The following SPAG16 variants were observed in gnomAD, a reference collection of about 807,000 sequenced individuals.
SPAG16 encodes sperm associated antigen 16.
Under a neutral mutation model 80.4 loss-of-function variants are expected in SPAG16, and 86 were observed. The observed-to-expected ratio is 1.07, with a 90% CI of 0.90 to 1.28. The LOEUF (loss-of-function observed/expected upper bound fraction) is 1.28, where lower values mean the gene tolerates loss of function less well. Ranked by LOEUF, SPAG16 falls within the 50% of genes most tolerant of loss-of-function variation. The pLI is 0.00. For missense variants in SPAG16, 870 were observed against 765.3 expected (o/e 1.14, Z -1.61); for synonymous variants, 294 against 265.9 (o/e 1.11, Z -1.03).
intron 10 of SPAG16, among the ~76,000 whole-genome samples, chr2:213,676,169 A>T (rs1159204602): frequency 2.0e-5 from 3 of 151,902 alleles, no homozygotes; most frequent in African/African-American, 7.2e-5. Context: ...GAGTTCACTC[A>T]TGATTTGGCT....
At chr2:214,315,878 G>A (rs1268185549) in intron 15 of SPAG16, among the ~76,000 whole-genome samples, 1 of 152,116 alleles carries the variant, frequency 6.6e-6, no homozygotes, top group African/African-American at 2.4e-5. Context: ...TCCCTGATTG[G>A]TTTGGGGTGT....
chr2:213,342,234 G>A (rs1345937427), intron 6 of SPAG16, among the ~76,000 whole-genome samples: 2 of 150,222 alleles, frequency 1.3e-5, no homozygotes, highest in Non-Finnish European at 3.0e-5. Flanking sequence ...AATATGTAAT[G>A]TTTATGGAGA....
At chr2:213,804,798 G>A (rs1466843842) in intron 10 of SPAG16, among the ~76,000 whole-genome samples, 1 of 152,204 alleles carries the variant, frequency 6.6e-6, no homozygotes, top group Admixed American at 6.5e-5. Context: ...GAAACCAAGA[G>A]AAGACGGATG....
chr2:214,305,684 C>T (rs1201608630), intron 15 of SPAG16, among the ~76,000 whole-genome samples: 1 of 151,982 alleles, frequency 6.6e-6, no homozygotes, highest in East Asian at 1.9e-4. Flanking sequence ...ATAGTTGTAG[C>T]TGTTCAGTCT....
intron 12 of SPAG16, among the ~76,000 whole-genome samples, chr2:214,009,039 C>T (rs186551867): frequency 6.6e-6 from 1 of 152,148 alleles, no homozygotes; most frequent in Non-Finnish European, 1.5e-5. Context: ...GGATTAAACT[C>T]CAGAGTATTC....
intron 10 of SPAG16, among the ~76,000 whole-genome samples, chr2:213,547,990 C>A (rs1381247444): frequency 1.3e-5 from 2 of 152,106 alleles, no homozygotes; most frequent in African/African-American, 4.8e-5. Context: ...TACATATCAG[C>A]CTTTTGTCCA....
chr2:213,517,928 C>G (rs2075501162), intron 10 of SPAG16, among the ~76,000 whole-genome samples: 1 of 152,108 alleles, frequency 6.6e-6, no homozygotes, highest in African/African-American at 2.4e-5. Flanking sequence ...CCAAAAGGAA[C>G]TTCAACAAAA....
intron 5 of SPAG16, among the ~76,000 whole-genome samples, chr2:213,330,185 C>G (rs1238807040): frequency 6.6e-6 from 1 of 151,962 alleles, no homozygotes; most frequent in Non-Finnish European, 1.5e-5. Context: ...GGAGCATTGC[C>G]TAGTGGAGCT....
intron 15 of SPAG16, among the ~76,000 whole-genome samples, chr2:214,343,468 A>C (rs1697846905): frequency 6.6e-6 from 1 of 152,178 alleles, no homozygotes; most frequent in South Asian, 2.1e-4. Flanking sequence ...TGATAGAAAA[A>C]AAATTAAAAT....
chr2:214,385,141 A>G (rs1366451122), intron 15 of SPAG16, among the ~76,000 whole-genome samples: 1 of 152,256 alleles, frequency 6.6e-6, no homozygotes, highest in Non-Finnish European at 1.5e-5. Flanking sequence ...CAAGCAGCAT[A>G]GCTAGTAGTT....
At chr2:213,989,200 G>A (rs186694608) in intron 12 of SPAG16, among the ~76,000 whole-genome samples, 1 of 152,206 alleles carries the variant, frequency 6.6e-6, no homozygotes, top group East Asian at 1.9e-4. Flanking sequence ...TGTTTTGTGG[G>A]CCCTGACTCT....
At chr2:213,526,924 C>T (rs936983519) in intron 10 of SPAG16, among the ~76,000 whole-genome samples, 1 of 152,122 alleles carries the variant, frequency 6.6e-6, no homozygotes, top group Non-Finnish European at 1.5e-5. Context: ...TACAGGTGTT[C>T]TCTCTAGGCT....
intron 15 of SPAG16, among the ~76,000 whole-genome samples, chr2:214,268,383 C>T (rs1470749746): frequency 2.6e-5 from 4 of 151,672 alleles, no homozygotes; most frequent in Non-Finnish European, 5.9e-5. Context: ...ACAATAGTCA[C>T]GATATGGAAA....
chr2:213,590,470 C>T (rs1205782840), intron 10 of SPAG16, among the ~76,000 whole-genome samples: 2 of 151,286 alleles, frequency 1.3e-5, no homozygotes, highest in Non-Finnish European at 2.9e-5. Context: ...CAAATAACCC[C>T]ATTAAAAAGT....
chr2:214,238,126 T>A (rs1689201900), intron 15 of SPAG16: 1 of 411,242 alleles, frequency 2.4e-6, no homozygotes, highest in Non-Finnish European at 4.7e-6. Flanking sequence ...ACAATTTGCT[T>A]TTATTTCAGA....
At chr2:214,026,807 C>A (rs918900599) in intron 13 of SPAG16, among the ~76,000 whole-genome samples, 6 of 151,268 alleles carry the variant, frequency 4.0e-5, no homozygotes, top group Admixed American at 6.6e-5. Context: ...AAGTTAGAGC[C>A]CTTAAACAGA....
chr2:214,028,479 C>G (rs1187431252), intron 13 of SPAG16, among the ~76,000 whole-genome samples: 1 of 151,920 alleles, frequency 6.6e-6, no homozygotes, highest in Non-Finnish European at 1.5e-5. Context: ...ATTTGTTTGT[C>G]TGTTGGTATT....
chr2:213,673,419 A>T (rs555975556), intron 10 of SPAG16, among the ~76,000 whole-genome samples: 1 of 152,316 alleles, frequency 6.6e-6, no homozygotes, highest in Admixed American at 6.5e-5. Context: ...ACATGCAGTT[A>T]TTGGGTCCAG....
intron 15 of SPAG16, among the ~76,000 whole-genome samples, chr2:214,236,902 A>C (rs1167487679): frequency 1.3e-5 from 2 of 151,988 alleles, no homozygotes; most frequent in African/African-American, 4.8e-5. Context: ...CCTTAGGAAA[A>C]CTGCATGATA....
Sources: gnomAD v4.1 joint callset for allele counts (sites outside exome capture counted in the v4.1 genomes callset) on GRCh38, gnomAD v4.1.1 for gene constraint, MANE v1.5 for transcripts, NCBI Gene and HGNC (gene_info 2026-07-23, HGNC 2026-07-21) for gene names.